TMEM132C: variants seen among roughly 807,000 people sequenced by gnomAD.
TMEM132C encodes the protein protein phosphatase 1, regulatory subunit 152.
A neutral mutation model predicts 61.4 loss-of-function variants in TMEM132C; 29 were observed. That is an observed-to-expected ratio of 0.47 (90% confidence interval 0.35 to 0.64). The LOEUF is 0.64. TMEM132C is among the 30% of genes least tolerant of loss of function. TMEM132C has a pLI of 0.00. For synonymous variants in TMEM132C, 656 were observed against 633.1 expected (o/e 1.04, Z -0.54); for missense variants, 1,408 against 1,476.9 (o/e 0.95, Z 0.76).
At chr12:128,629,220 A>G (rs1954045190) in intron 4 of TMEM132C, among the ~76,000 whole-genome samples, 1 of 151,690 alleles carries the variant, frequency 6.6e-6, no homozygotes, top group Admixed American at 6.6e-5. Flanking sequence ...TCTTAAGAAT[A>G]AAAAAAAACC....
At chr12:128,460,568 G>A (rs2136068390) in intron 2 of TMEM132C, among the ~76,000 whole-genome samples, 1 of 152,182 alleles carries the variant, frequency 6.6e-6, no homozygotes, top group African/African-American at 2.4e-5. Flanking sequence ...GCCCCAGGCG[G>A]TGCCACTCAT....
intron 2 of TMEM132C, among the ~76,000 whole-genome samples, chr12:128,464,770 A>AAGAAAGAAAGAC (rs1870664644): frequency 9.5e-6 from 1 of 105,558 alleles, no homozygotes; most frequent in Non-Finnish European, 2.0e-5. Context: ...GTCAGAAAGA[A>AAGAAAGAAAGAC]AGAAAGAAAG....
At chr12:128,313,407 G>T (rs1872040873) in intron 1 of TMEM132C, among the ~76,000 whole-genome samples, 1 of 152,118 alleles carries the variant, frequency 6.6e-6, no homozygotes, top group Non-Finnish European at 1.5e-5. Context: ...TACCCAGTCT[G>T]CCATCCTACA....
chr12:128,671,676 T>A (rs1954533695), intron 5 of TMEM132C, among the ~76,000 whole-genome samples: 1 of 152,144 alleles, frequency 6.6e-6, no homozygotes. Context: ...TGCTAGACTG[T>A]CCACTGGGCT....
intron 1 of TMEM132C, among the ~76,000 whole-genome samples, chr12:128,271,344 A>C (rs1177591571): frequency 2.0e-5 from 3 of 151,044 alleles, no homozygotes; most frequent in Non-Finnish European, 4.4e-5. Flanking sequence ...TCACATAAAA[A>C]AATTAGGATT....
intron 2 of TMEM132C, among the ~76,000 whole-genome samples, chr12:128,424,323 G>A (rs117150593): frequency 0.019 from 2,867 of 152,090 alleles, 41 homozygotes; most frequent in Middle Eastern, 0.051. Flanking sequence ...CACTGTATGC[G>A]TAGATCACCT....
At position 128,695,859 on chromosome 12, in the gene TMEM132C, A is replaced by G; in HGVS notation, c.1685A>G (p.Glu562Gly). 6.4e-7 allele frequency: 1 copy of G among 1,550,538 alleles called. No individual in the cohort carries two copies. Among genetic ancestry groups the G allele is most frequent in the South Asian group, 1.2e-5 (1 of 83,970 alleles). Residue 562 changes from glutamate (E) to glycine (G), a missense_variant, in exon 7 of 9, where the codon GAG becomes GGG. By Grantham distance (98) the Glu-to-Gly change is moderately conservative. Coordinates refer to ENST00000435159, the MANE Select transcript of TMEM132C (RefSeq NM_001136103.3). The part of the protein sequence containing the change: ...RPTRESEDED[E>G]EERRGRGCAL... ...ACTCGTGAGAGCGAGGATGAGGACG[A>G]GGAGGAGCGGCGGGGCCGGGGCTGC...
At chr12:128,550,952 A>G in intron 3 of TMEM132C, among the ~76,000 whole-genome samples, 1 of 152,182 alleles carries the variant, frequency 6.6e-6, no homozygotes, top group East Asian at 1.9e-4. Context: ...CACTGCAGAC[A>G]ACTCTGAATT....
chr12:128,565,831 A>G (rs960211320), intron 3 of TMEM132C, among the ~76,000 whole-genome samples: 7 of 152,042 alleles, frequency 4.6e-5, no homozygotes, highest in African/African-American at 1.7e-4. Context: ...TTTGACTCTT[A>G]AGAACTGCAT....
chr12:128,431,541 C>T (rs1262231267), intron 2 of TMEM132C, among the ~76,000 whole-genome samples: 1 of 147,106 alleles, frequency 6.8e-6, no homozygotes, highest in Non-Finnish European at 1.5e-5. Context: ...ATGACGATCC[C>T]ATCTAGGACT....
At chr12:128,661,974 G>A (rs1188985567) in intron 4 of TMEM132C, among the ~76,000 whole-genome samples, 1 of 152,072 alleles carries the variant, frequency 6.6e-6, no homozygotes, top group Non-Finnish European at 1.5e-5. Context: ...AAACTGGAAA[G>A]ATACATGCCA....
intron 4 of TMEM132C, among the ~76,000 whole-genome samples, chr12:128,626,127 CT>C (rs1555237535): frequency 3.9e-3 from 542 of 138,832 alleles, no homozygotes; most frequent in East Asian, 5.0e-3. Flanking sequence ...TTCTTTCTTT[CT>C]TTTTTTTTTT....
chr12:128,489,025 C>T (rs1020487956), intron 2 of TMEM132C, among the ~76,000 whole-genome samples: 3 of 152,120 alleles, frequency 2.0e-5, no homozygotes, highest in Non-Finnish European at 4.4e-5. Flanking sequence ...AAGGCTGTTC[C>T]TCCTGGGGTG....
intron 1 of TMEM132C, among the ~76,000 whole-genome samples, chr12:128,392,076 C>CTCTG (rs879507395): frequency 1.3e-4 from 20 of 151,764 alleles, no homozygotes; most frequent in Admixed American, 3.3e-4. Context: ...CTCTCTCTCT[C>CTCTG]TCTCTCTCTC....
At chr12:128,546,690 A>G (rs917797928) in intron 3 of TMEM132C, among the ~76,000 whole-genome samples, 1 of 152,212 alleles carries the variant, frequency 6.6e-6, no homozygotes, top group African/African-American at 2.4e-5. Context: ...AAATGTGTTC[A>G]AAGAGGAGGG....
Position 128,374,389 on chromosome 12 carries a change from C to T in TMEM132C, c.86-40343C>T, listed in dbSNP as rs543237387. Among the ~76,000 whole-genome samples, 11 of 152,270 alleles carry T rather than the reference C, an allele frequency of 7.2e-5. No homozygotes were observed. In the South Asian group the frequency reaches 2.3e-3, roughly 32 times the overall value. On this transcript the variant is annotated intron_variant, in intron 1 of 8. Coordinates refer to ENST00000435159, the MANE Select transcript of TMEM132C (RefSeq NM_001136103.3). ...CTGGGCGGAGCCATTGCTGCTGGCA[C>T]CCCTCAGACTCAGGCTTTCCGGTGC...
At chr12:128,505,968 T>C (rs7310152) in intron 2 of TMEM132C, among the ~76,000 whole-genome samples, 76,055 of 151,918 alleles carry the variant, frequency 0.5, 19,220 homozygotes, top group East Asian at 0.58. Flanking sequence ...GAATGGGCTG[T>C]GTTCTGCTGC....
At chr12:128,481,687 C>T (rs1360203267) in intron 2 of TMEM132C, among the ~76,000 whole-genome samples, 1 of 152,206 alleles carries the variant, frequency 6.6e-6, no homozygotes, top group African/African-American at 2.4e-5. Context: ...AAAAGGGAAG[C>T]TCAGAGCCTT....
intron 1 of TMEM132C, among the ~76,000 whole-genome samples, chr12:128,353,586 C>T (rs1307640855): frequency 1.3e-5 from 2 of 152,222 alleles, no homozygotes; most frequent in Non-Finnish European, 2.9e-5. Context: ...CAGCTCCTCC[C>T]CTCCTGCAGC....
Sources: allele counts gnomAD v4.1 joint callset (sites outside exome capture counted in the v4.1 genomes callset), GRCh38; gene constraint gnomAD v4.1.1; transcripts MANE v1.5; gene names NCBI Gene and HGNC (gene_info 2026-07-23, HGNC 2026-07-21).